The following RNF220 variants were observed in gnomAD, a reference collection of about 807,000 sequenced individuals.
The protein encoded by RNF220 is E3 ubiquitin-protein ligase RNF220.
In RNF220, 7 loss-of-function variants were observed where a neutral mutation model predicts 67.1. That is an observed-to-expected ratio of 0.10 (90% confidence interval 0.06 to 0.20). The LOEUF is 0.20. RNF220 is among the 10% of genes least tolerant of loss of function. The pLI, the probability that RNF220 is intolerant of heterozygous loss-of-function variation, is 1.00. For missense variants in RNF220, 565 were observed against 740.3 expected (o/e 0.76, Z 2.75); for synonymous variants, 270 against 283.2 (o/e 0.95, Z 0.47).
intron 2 of RNF220, among the ~76,000 whole-genome samples, chr1:44,524,428 C>T (rs371322278): frequency 6.6e-6 from 1 of 152,102 alleles, no homozygotes; most frequent in African/African-American, 2.4e-5. Context: ...TGGCCAACCC[C>T]TTCCTCAACT....
intron 2 of RNF220, among the ~76,000 whole-genome samples, chr1:44,597,650 G>A (rs912728847): frequency 3.3e-5 from 5 of 151,500 alleles, no homozygotes; most frequent in Admixed American, 6.6e-5. Flanking sequence ...CACACACACC[G>A]TTTCTCACGA....
chr1:44,632,055 CGCCG>C (rs1204512983), intron 5 of RNF220: 1 of 1,108,520 alleles, frequency 9.0e-7, no homozygotes, highest in Non-Finnish European at 1.1e-6. Flanking sequence ...TCGCCGCCCT[CGCCG>C]GCCGGGCGGC....
At chr1:44,587,741 T>G (rs1166723908) in intron 2 of RNF220, among the ~76,000 whole-genome samples, 3 of 152,178 alleles carry the variant, frequency 2.0e-5, no homozygotes, top group African/African-American at 7.2e-5. Flanking sequence ...CTTTGTTTCC[T>G]CTTCTGTAAA....
chr1:44,595,710 C>G (rs1666430124), intron 2 of RNF220, among the ~76,000 whole-genome samples: 1 of 152,070 alleles, frequency 6.6e-6, no homozygotes. Flanking sequence ...CAAGCAGATG[C>G]CCTGTGAGGA....
In RNF220 at chr1:44,584,279, A is replaced by G. The variant is rs1175940380; in HGVS notation, c.626-29886A>G. 3.3e-5 allele frequency among the ~76,000 whole-genome samples: 5 copies of G among 152,268 alleles called. No homozygotes were observed. The East Asian group carries it at 7.7e-4, about 23-fold the overall frequency. ...CCATGAACCCACCACTTACGTCTTC[A>G]CCCCTCCTTCATCAGGGCGGGTCAA... is the stretch of plus-strand genomic sequence containing the variant. On this transcript the variant is annotated intron_variant, in intron 2 of 14. Coordinates refer to ENST00000361799, the MANE Select transcript of RNF220 (RefSeq NM_018150.4).
At chr1:44,616,652 A>G (rs545165605) in intron 3 of RNF220, among the ~76,000 whole-genome samples, 4 of 152,208 alleles carry the variant, frequency 2.6e-5, no homozygotes, top group Admixed American at 2.6e-4. Context: ...GGGAAAAAAA[A>G]ATCCTTCTGC....
chr1:44,574,368 A>G (rs1012458465), intron 2 of RNF220, among the ~76,000 whole-genome samples: 5 of 152,058 alleles, frequency 3.3e-5, no homozygotes, highest in Non-Finnish European at 7.4e-5. Flanking sequence ...TAAGCTTTAA[A>G]TTTCTTACCA....
intron 2 of RNF220, among the ~76,000 whole-genome samples, chr1:44,568,332 AATG>A (rs1332056185): frequency 1.3e-5 from 2 of 152,078 alleles, no homozygotes; most frequent in Non-Finnish European, 2.9e-5. Context: ...CAAACATTCT[AATG>A]ATATGACTCA....
At chr1:44,633,403 TG>T (rs1341691301) in intron 6 of RNF220, among the ~76,000 whole-genome samples, 12 of 152,254 alleles carry the variant, frequency 7.9e-5, no homozygotes, top group Admixed American at 6.5e-4. Flanking sequence ...GCTACCTCCT[TG>T]GCAAATGCTT....
intron 8 of RNF220, among the ~76,000 whole-genome samples, chr1:44,639,658 G>A (rs1427806643): frequency 1.3e-5 from 2 of 152,216 alleles, no homozygotes; most frequent in Non-Finnish European, 2.9e-5. Flanking sequence ...GGCCTGAAGC[G>A]TTTCTTATCT....
chr1:44,415,506 C>T lies in RNF220; in HGVS notation c.625+2784C>T, dbSNP rs12739273. 5.9e-3 allele frequency among the ~76,000 whole-genome samples: 347 copies of T among 59,096 alleles called. 2 individuals are homozygous for T. Among genetic ancestry groups the T allele is most frequent in the African/African-American group, 0.015 (265 of 18,140 alleles). 38.8% of individuals were successfully genotyped at this position (59,096 alleles called of 152,430 possible). A position where few individuals can be genotyped will look rare whatever the true frequency, so the allele number is the denominator to read the frequency against. Reference sequence around the variant, plus strand: ...AAATTAACCATATATGGTTGATATACACACACACACACACACACGTGTATA... The same window carrying T: ...AAATTAACCATATATGGTTGATATATACACACACACACACACACGTGTATA... On this transcript the variant is annotated intron_variant, in intron 2 of 14. Transcript: ENST00000361799.
chr1:44,548,169 C>G (rs554775426), intron 2 of RNF220, among the ~76,000 whole-genome samples: 2 of 152,298 alleles, frequency 1.3e-5, no homozygotes, highest in South Asian at 4.1e-4. Context: ...CCCCTTATCT[C>G]TAGCCCCTGC....
At chr1:44,597,351 T>TG (rs1346472515) in intron 2 of RNF220, among the ~76,000 whole-genome samples, 2 of 151,878 alleles carry the variant, frequency 1.3e-5, no homozygotes, top group African/African-American at 4.8e-5. Context: ...CCAAAAACTT[T>TG]GGGGGGAAAA....
At chr1:44,436,554 A>G (rs1417369) in intron 2 of RNF220, among the ~76,000 whole-genome samples, 152,230 of 152,266 alleles carry the variant, frequency 1, 76,097 homozygotes, top group Non-Finnish European at 1. Context: ...CACTTGAACC[A>G]TGTGGTTTCT....
At chr1:44,511,493 T>A (rs2148125309) in intron 2 of RNF220, among the ~76,000 whole-genome samples, 1 of 152,324 alleles carries the variant, frequency 6.6e-6, no homozygotes, top group East Asian at 1.9e-4. Context: ...GCTCAGCTCA[T>A]TTTTTAGATC....
intron 5 of RNF220, among the ~76,000 whole-genome samples, chr1:44,630,720 G>A (rs1395879299): frequency 6.6e-6 from 1 of 152,232 alleles, no homozygotes; most frequent in Admixed American, 6.5e-5. Flanking sequence ...CCAAGCAAGG[G>A]ATACTGGAGG....
rs1643820781 is a variant in RNF220, at chr1:44,622,135, C to T, written c.759-607C>T. On this transcript the variant is annotated intron_variant, in intron 3 of 14. Transcript: ENST00000361799. The surrounding 1 kb of genome is among the most constrained non-coding windows in gnomAD (Gnocchi z 4.3). Reference sequence around the variant, plus strand: ...TGCATACCAATTTTGTTATTAAACACAGTCCTCGCCTCCCCCACAGCCCAT... The same window carrying T: ...TGCATACCAATTTTGTTATTAAACATAGTCCTCGCCTCCCCCACAGCCCAT... 6.6e-6 allele frequency among the ~76,000 whole-genome samples: 1 copy of T among 152,196 alleles called. No homozygotes were observed. Among genetic ancestry groups the T allele is most frequent in the Non-Finnish European group, 1.5e-5 (1 of 68,028 alleles).
At chr1:44,427,344 A>C (rs779171618) in intron 2 of RNF220, among the ~76,000 whole-genome samples, 4 of 152,200 alleles carry the variant, frequency 2.6e-5, no homozygotes, top group African/African-American at 7.2e-5. Context: ...TGTTCTGAGC[A>C]CTTCATATAT....
At chr1:44,524,188 ATGT>A (rs1437916150) in intron 2 of RNF220, among the ~76,000 whole-genome samples, 5 of 151,960 alleles carry the variant, frequency 3.3e-5, no homozygotes, top group East Asian at 3.9e-4. Flanking sequence ...CAGGTGTGAG[ATGT>A]TGTTATTTAG....
Sources: gnomAD v4.1 joint callset for allele counts (sites outside exome capture counted in the v4.1 genomes callset) on GRCh38, gnomAD v4.1.1 for gene constraint, Gnocchi (gnomAD v3.1) non-coding constraint, MANE v1.5 for transcripts, NCBI Gene and HGNC (gene_info 2026-07-23, HGNC 2026-07-21) for gene names.